SEMA6D: variants seen among roughly 807,000 people sequenced by gnomAD.
SEMA6D encodes semaphorin 6D.
A neutral mutation model predicts 106.6 loss-of-function variants in SEMA6D; 35 were observed. That is an observed-to-expected ratio of 0.33 (90% CI 0.25 to 0.44). The LOEUF is 0.44. SEMA6D is among the 20% of genes least tolerant of loss of function. SEMA6D has a pLI of 1.00. For synonymous variants in SEMA6D, 499 were observed against 487.7 expected (o/e 1.02, Z -0.31); for missense variants, 1,185 against 1,345.9 (o/e 0.88, Z 1.87).
chr15:47,338,708 A>G (rs1007826948), intron 1 of SEMA6D, among the ~76,000 whole-genome samples: 1 of 152,146 alleles, frequency 6.6e-6, no homozygotes, highest in African/African-American at 2.4e-5. Flanking sequence ...CTTTTGATGT[A>G]GGGGATCCAT....
intron 1 of SEMA6D, among the ~76,000 whole-genome samples, chr15:47,731,668 T>C (rs2080131879): frequency 6.6e-6 from 1 of 152,242 alleles, no homozygotes; most frequent in Non-Finnish European, 1.5e-5. Flanking sequence ...TTGGTAATTA[T>C]TACTTTACCC....
chr15:47,367,716 ACACACACAC>A (rs765409866), intron 1 of SEMA6D, among the ~76,000 whole-genome samples: 14,409 of 146,216 alleles, frequency 0.099, 1,948 homozygotes, highest in African/African-American at 0.32. Context: ...ACACACACAC[ACACACACAC>A]ACAGAGAGAG....
At chr15:47,644,025 A>G (rs2077536440) in intron 4 of SEMA6D, among the ~76,000 whole-genome samples, 2 of 152,178 alleles carry the variant, frequency 1.3e-5, no homozygotes, top group Non-Finnish European at 2.9e-5. Flanking sequence ...CCCGTTGTCT[A>G]GACTAGTAAG....
intron 1 of SEMA6D, among the ~76,000 whole-genome samples, chr15:47,260,877 G>A (rs932478732): frequency 6.6e-6 from 1 of 152,162 alleles, no homozygotes; most frequent in African/African-American, 2.4e-5. Flanking sequence ...GGGACAGTAA[G>A]CCTAACTGGC....
At chr15:47,494,658 A>G (rs1025297384) in intron 3 of SEMA6D, among the ~76,000 whole-genome samples, 34 of 148,262 alleles carry the variant, frequency 2.3e-4, no homozygotes, top group African/African-American at 7.6e-4. Flanking sequence ...ATATTTTATT[A>G]TAATTCAAAA....
intron 2 of SEMA6D, among the ~76,000 whole-genome samples, chr15:47,440,052 A>G (rs2041835242): frequency 6.6e-6 from 1 of 152,108 alleles, no homozygotes; most frequent in African/African-American, 2.4e-5. Flanking sequence ...GCATGCCGGA[A>G]GAGTTGAACT....
At chr15:47,758,452 G>T (rs940425645) in intron 1 of SEMA6D, among the ~76,000 whole-genome samples, 2 of 151,994 alleles carry the variant, frequency 1.3e-5, no homozygotes, top group Non-Finnish European at 2.9e-5. Flanking sequence ...TGAGGGGGGG[G>T]TGTTATTGTT....
intron 4 of SEMA6D, among the ~76,000 whole-genome samples, chr15:47,662,857 G>A (rs2573573): frequency 5.2e-5 from 7 of 134,062 alleles, no homozygotes; most frequent in South Asian, 2.4e-4. Flanking sequence ...GTGTATGAGC[G>A]CACACACACA....
chr15:47,346,116 G>A (rs1286284166), intron 1 of SEMA6D, among the ~76,000 whole-genome samples: 1 of 152,164 alleles, frequency 6.6e-6, no homozygotes, highest in Non-Finnish European at 1.5e-5. Context: ...GTTTCCCAAA[G>A]GAAGAGTAAC....
chr15:47,316,472 G>GT (rs1164534542), intron 1 of SEMA6D, among the ~76,000 whole-genome samples: 3 of 151,978 alleles, frequency 2.0e-5, no homozygotes, highest in Admixed American at 6.6e-5. Context: ...ATCTTGCCTT[G>GT]TTCCTCATCT....
At chr15:47,201,802 G>C (rs1894741620) in intron 1 of SEMA6D, among the ~76,000 whole-genome samples, 1 of 152,084 alleles carries the variant, frequency 6.6e-6, no homozygotes, top group African/African-American at 2.4e-5. Flanking sequence ...GTTGCTGTTG[G>C]TCAGACCACC....
intron 1 of SEMA6D, among the ~76,000 whole-genome samples, chr15:47,227,153 T>G (rs1261465139): frequency 6.6e-6 from 1 of 152,102 alleles, no homozygotes; most frequent in Non-Finnish European, 1.5e-5. Context: ...CATCATTGTA[T>G]TATGAAAGTA....
chr15:47,337,730 G>T (rs1944538602), intron 1 of SEMA6D, among the ~76,000 whole-genome samples: 1 of 152,138 alleles, frequency 6.6e-6, no homozygotes, highest in African/African-American at 2.4e-5. Context: ...GCCTTCATGA[G>T]TGTGCTCACA....
At chr15:47,448,677 T>A (rs1449781231) in intron 2 of SEMA6D, among the ~76,000 whole-genome samples, 2 of 152,088 alleles carry the variant, frequency 1.3e-5, no homozygotes, top group African/African-American at 4.8e-5. Context: ...AGAAAGAGAA[T>A]CAAATGGGGT....
chr15:47,313,123 C>A (rs1566990397), intron 1 of SEMA6D, among the ~76,000 whole-genome samples: 1 of 152,132 alleles, frequency 6.6e-6, no homozygotes, highest in African/African-American at 2.4e-5. Context: ...TTCATTGACA[C>A]ATCATAATTG....
intron 1 of SEMA6D, among the ~76,000 whole-genome samples, chr15:47,373,874 G>T (rs760421992): frequency 6.6e-6 from 1 of 152,124 alleles, no homozygotes; most frequent in East Asian, 1.9e-4. Context: ...TAACCTTTTC[G>T]TTGGATAAAG....
At chr15:47,345,905 G>C (rs1010374548) in intron 1 of SEMA6D, among the ~76,000 whole-genome samples, 3 of 152,012 alleles carry the variant, frequency 2.0e-5, no homozygotes, top group African/African-American at 7.2e-5. Context: ...TATGGTGATG[G>C]TTTCATAGGT....
At chr15:47,593,297 C>T (rs901231519) in intron 3 of SEMA6D, among the ~76,000 whole-genome samples, 4 of 149,380 alleles carry the variant, frequency 2.7e-5, no homozygotes, top group African/African-American at 9.9e-5. Flanking sequence ...CCCAGCTGTT[C>T]AGGAGGCTGA....
chr15:47,315,195 A>C (rs1270113347), intron 1 of SEMA6D, among the ~76,000 whole-genome samples: 1 of 151,994 alleles, frequency 6.6e-6, no homozygotes, highest in Non-Finnish European at 1.5e-5. Context: ...ATTTTCTAGG[A>C]GTTTTATAAT....
Sources: gnomAD v4.1 joint callset for allele counts (sites outside exome capture counted in the v4.1 genomes callset) on GRCh38, gnomAD v4.1.1 for gene constraint, MANE v1.5 for transcripts, NCBI Gene and HGNC (gene_info 2026-07-23, HGNC 2026-07-21) for gene names.